The following USP32 variants were observed in gnomAD, a reference collection of about 807,000 sequenced individuals.
The protein encoded by USP32 is ubiquitin specific peptidase 32, also known as ubiquitin carboxyl-terminal hydrolase 32.
USP32 carries 59 observed loss-of-function variants against 204.8 expected under a neutral mutation model. That is an observed-to-expected ratio of 0.29 (90% CI 0.23 to 0.36). The LOEUF (loss-of-function observed/expected upper bound fraction) is 0.36. USP32 is among the 10% of genes least tolerant of loss of function. The pLI, the probability that USP32 is intolerant of heterozygous loss-of-function variation, is 1.00. For missense variants in USP32, 1,160 were observed against 1,946.4 expected (o/e 0.60, Z 7.60); for synonymous variants, 517 against 678.4 (o/e 0.76, Z 3.70).
chr17:60,296,335 G>T (rs1009461948), intron 3 of USP32, among the ~76,000 whole-genome samples: 82 of 152,290 alleles, frequency 5.4e-4, no homozygotes, highest in African/African-American at 1.8e-3. Flanking sequence ...GAGGTCATTA[G>T]GGTGGGACCC....
intron 1 of USP32, among the ~76,000 whole-genome samples, chr17:60,355,113 G>A (rs1018034932): frequency 3.3e-5 from 5 of 152,114 alleles, no homozygotes; most frequent in African/African-American, 4.8e-5. Context: ...AGGAGAAAAC[G>A]AAAGTGCTGA....
intron 1 of USP32, among the ~76,000 whole-genome samples, chr17:60,384,859 G>A (rs372600143): frequency 6.6e-6 from 1 of 151,798 alleles, no homozygotes; most frequent in Admixed American, 6.6e-5. Flanking sequence ...TGTAATTCCA[G>A]CATTTTGGGA....
At chr17:60,296,461 T>A (rs540885867) in intron 3 of USP32, among the ~76,000 whole-genome samples, 1 of 152,256 alleles carries the variant, frequency 6.6e-6, no homozygotes, top group East Asian at 1.9e-4. Flanking sequence ...ACCCCAAGGA[T>A]TGTCAGTCAT....
chr17:60,336,715 C>CAAAAAAAAAA (rs573590957), intron 2 of USP32, among the ~76,000 whole-genome samples: 1 of 71,598 alleles, frequency 1.4e-5, no homozygotes, highest in African/African-American at 4.0e-5. Flanking sequence ...GACTCCATCT[C>CAAAAAAAAAA]AAAAAAAAAA....
intron 1 of USP32, among the ~76,000 whole-genome samples, chr17:60,349,643 TTA>T (rs1211560358): frequency 3.1e-5 from 3 of 97,074 alleles, no homozygotes; most frequent in Non-Finnish European, 5.4e-5. Context: ...TATATATATA[TTA>T]TATATATACA....
chr17:60,305,822 G>C (rs746518389), intron 2 of USP32, among the ~76,000 whole-genome samples: 10 of 152,126 alleles, frequency 6.6e-5, no homozygotes, highest in Non-Finnish European at 1.2e-4. Flanking sequence ...TTTCAGTTTT[G>C]CAAGTACTTG....
chr17:60,295,914 AG>A (rs779693711), intron 3 of USP32, among the ~76,000 whole-genome samples: 30 of 152,252 alleles, frequency 2.0e-4, no homozygotes, highest in South Asian at 4.1e-4. Context: ...TGTGCAGATA[AG>A]GGGGGAACTA....
chr17:60,205,645 C>A lies in USP32; in HGVS notation c.3051G>T (p.Ser1017=). Residue 1017 remains serine (S), a synonymous_variant, in exon 26 of 34, where the codon TCG becomes TCT. Coordinates refer to ENST00000300896, the MANE Select transcript of USP32 (RefSeq NM_032582.4). Reference sequence around the variant, plus strand: ...GGGTGAACATTTCATTTGTAGATGGCGAAGAGGAGAAATCTACAAATTCAA... The same window carrying A: ...GGGTGAACATTTCATTTGTAGATGGAGAAGAGGAGAAATCTACAAATTCAA... ...SSPTQTDFSS[S]PSTNEMFTLT... The A allele has an allele frequency of 6.2e-7, 1 of 1,613,730 alleles. No individual in the cohort carries two copies. The highest frequency in any genetic ancestry group is 8.5e-7 in the Non-Finnish European group (1 of 1,179,802).
At chr17:60,393,773 C>T (rs1359220211), upstream of USP32, among the ~76,000 whole-genome samples, 2 of 152,020 alleles carry the variant, frequency 1.3e-5, no homozygotes, top group Non-Finnish European at 2.9e-5. Context: ...CAACCTCTGC[C>T]TCTCTGGTTC....
At chr17:60,185,738 C>A in intron 29 of USP32, 87 bp from the exon 30 acceptor site, 1 of 1,465,820 alleles carries the variant, frequency 6.8e-7, no homozygotes, top group Non-Finnish European at 9.2e-7. Flanking sequence ...CTTGGTCACT[C>A]ACCCTTATTT....
chr17:60,406,540 G>C (rs1407376422), intron 1 of USP32, among the ~76,000 whole-genome samples: 2 of 151,368 alleles, frequency 1.3e-5, no homozygotes, highest in African/African-American at 4.9e-5. Context: ...TTTTGAGACA[G>C]AGACTTGCTC....
At chr17:60,222,990 G>A (rs1173555199) in intron 14 of USP32, among the ~76,000 whole-genome samples, 11 of 152,144 alleles carry the variant, frequency 7.2e-5, no homozygotes, top group East Asian at 5.8e-4. Flanking sequence ...CAAAAAAACT[G>A]AATTTTTAAT....
At chr17:60,340,926 T>C (rs2088643032) in intron 2 of USP32, among the ~76,000 whole-genome samples, 1 of 152,104 alleles carries the variant, frequency 6.6e-6, no homozygotes, top group Non-Finnish European at 1.5e-5. Context: ...CCTTCACTTA[T>C]GAAGCTCAGT....
chr17:60,370,380 T>C (rs2089413731), intron 1 of USP32, among the ~76,000 whole-genome samples: 1 of 152,148 alleles, frequency 6.6e-6, no homozygotes, highest in African/African-American at 2.4e-5. Flanking sequence ...CATTTTAGAT[T>C]ACTCAATTAG....
intron 11 of USP32, 118 bp downstream of exon 11, chr17:60,252,263 G>C (rs2086187994): frequency 2.5e-6 from 2 of 814,512 alleles, no homozygotes; most frequent in East Asian, 5.8e-5. Flanking sequence ...ATTTCAATAT[G>C]TAACTATTTT....
Position 60,199,966 on chromosome 17 carries a change from C to T in USP32, c.3250-1522G>A, listed in dbSNP as rs866198927. 3.9e-4 allele frequency among the ~76,000 whole-genome samples: 60 copies of T among 152,150 alleles called. 2 individuals carry two copies. Among genetic ancestry groups the T allele is most frequent in the Non-Finnish European group, 1.5e-4 (10 of 68,008 alleles). On this transcript the variant is annotated intron_variant, in intron 26 of 33. Coordinates refer to ENST00000300896, the MANE Select transcript of USP32 (RefSeq NM_032582.4). ...ATCCCAGCACTTCAGGAGGCCGAGGCGGGCGGATCATGAGGTCAGGAGTTC... is the reference window on the plus strand; with the variant it reads ...ATCCCAGCACTTCAGGAGGCCGAGGTGGGCGGATCATGAGGTCAGGAGTTC...
chr17:60,240,561 G>A (rs962065883), intron 11 of USP32, among the ~76,000 whole-genome samples: 2 of 152,052 alleles, frequency 1.3e-5, no homozygotes, highest in Non-Finnish European at 2.9e-5. Context: ...TTGCAGAATG[G>A]CGCTGTGCTG....
chr17:60,346,931 C>G (rs2088800222), intron 1 of USP32, among the ~76,000 whole-genome samples: 1 of 152,114 alleles, frequency 6.6e-6, no homozygotes, highest in Non-Finnish European at 1.5e-5. Flanking sequence ...GGCAGCAAGA[C>G]CAAGTCACAG....
Position 60,368,991 on chromosome 17 carries a change from A to ATTTTTTTTTTTTTTTTTTTT in USP32, c.58+22871_58+22890dup, listed in dbSNP as rs758528054. ...ACATACACGAATTATTTTTTAAAAG[A>ATTTTTTTTTTTTTTTTTTTT]TTTTTTTTTTTTTTTTTTTTTGAGA... On this transcript the variant is annotated intron_variant, in intron 1 of 33. Transcript: ENST00000300896. Among the ~76,000 whole-genome samples, 105 of 114,120 alleles carry ATTTTTTTTTTTTTTTTTTTT rather than the reference A, an allele frequency of 9.2e-4. 8 individuals are homozygous for ATTTTTTTTTTTTTTTTTTTT. Among genetic ancestry groups the ATTTTTTTTTTTTTTTTTTTT allele is most frequent in the African/African-American group, 4.8e-3 (94 of 19,584 alleles). 74.9% of individuals were successfully genotyped at this position (114,120 alleles called of 152,430 possible).
Sources: gnomAD v4.1 joint callset for allele counts (sites outside exome capture counted in the v4.1 genomes callset) on GRCh38, gnomAD v4.1.1 for gene constraint, MANE v1.5 for transcripts, NCBI Gene and HGNC (gene_info 2026-07-23, HGNC 2026-07-21) for gene names.